The following SMPDL3A variants were observed in gnomAD, a reference collection of about 807,000 sequenced individuals.
SMPDL3A encodes cyclic GMP-AMP phosphodiesterase SMPDL3A.
In SMPDL3A, 39 loss-of-function variants were observed where a neutral mutation model predicts 38.5. That is an observed-to-expected ratio of 1.01 (90% confidence interval 0.78 to 1.32). SMPDL3A has a LOEUF of 1.32. Among genes scored for constraint, SMPDL3A ranks in the 40% most tolerant of loss-of-function variants. The probability of loss-of-function intolerance (pLI) is 0.00; values close to 1 mark genes in which losing one functional copy is unlikely to be tolerated. For synonymous variants in SMPDL3A, 180 were observed against 194.3 expected, an observed-to-expected ratio of 0.93 and a Z score of 0.61; for missense variants, 502 against 536.2, an observed-to-expected ratio of 0.94 and a Z score of 0.63.
At chr6:122,808,323 C>A (rs1451831704) in intron 7 of SMPDL3A, among the ~76,000 whole-genome samples, 1 of 152,130 alleles carries the variant, frequency 6.6e-6, no homozygotes, top group Non-Finnish European at 1.5e-5. Context: ...GAAATACTCA[C>A]ATCATGGACA....
intron 1 of SMPDL3A, among the ~76,000 whole-genome samples, chr6:122,795,293 C>T (rs566494823): frequency 7.2e-4 from 110 of 152,198 alleles, no homozygotes; most frequent in Non-Finnish European, 1.0e-3. Flanking sequence ...AGGCGTGTGC[C>T]ACCACACTTG....
intron 1 of SMPDL3A, 137 bp from the exon 2 acceptor site, chr6:122,795,539 GC>G (rs1781216697): frequency 1.5e-6 from 1 of 649,352 alleles, no homozygotes; most frequent in South Asian, 2.0e-5. Context: ...TAACTTCGAG[GC>G]TTATGAACAT....
At chr6:122,802,539 T>G (rs946733828) in intron 4 of SMPDL3A, among the ~76,000 whole-genome samples, 15 of 152,064 alleles carry the variant, frequency 9.9e-5, no homozygotes, top group Middle Eastern at 3.2e-3. Context: ...ACAAGACACG[T>G]GGAGAGCTTA....
chr6:122,803,835 T>G lies in SMPDL3A; in HGVS notation c.738+2T>G. ...AACTCTCAGCAGAATAAGGAGAAGGTAGATCCCATAGACCAAAACCATCTG... is the reference window on the plus strand; with the variant it reads ...AACTCTCAGCAGAATAAGGAGAAGGGAGATCCCATAGACCAAAACCATCTG... On this transcript the variant is annotated splice_donor_variant, in intron 5 of 7. Coordinates refer to ENST00000368440, the MANE Select transcript of SMPDL3A (RefSeq NM_006714.5). LOFTEE classifies it high-confidence loss of function. The G allele has an allele frequency of 1.2e-6, 2 of 1,612,664 alleles. No individual in the cohort carries two copies. The highest frequency in any genetic ancestry group is 1.7e-6 in the Non-Finnish European group (2 of 1,179,598).
chr6:122,797,700 G>T (rs2115165848), intron 3 of SMPDL3A, among the ~76,000 whole-genome samples: 1 of 152,252 alleles, frequency 6.6e-6, no homozygotes, highest in East Asian at 1.9e-4. Context: ...AATTCAGCCT[G>T]TTGCTTGTTT....
At chr6:122,799,642 C>T (rs988835075) in intron 3 of SMPDL3A, among the ~76,000 whole-genome samples, 3 of 152,242 alleles carry the variant, frequency 2.0e-5, no homozygotes, top group South Asian at 2.1e-4. Flanking sequence ...CTCAGACAGG[C>T]GACCCTGATC....
At chr6:122,800,533 C>A (rs1323445995) in intron 3 of SMPDL3A, among the ~76,000 whole-genome samples, 1 of 152,230 alleles carries the variant, frequency 6.6e-6, no homozygotes, top group East Asian at 1.9e-4. Context: ...CATATCCTAG[C>A]CATGCTAAAA....
At position 122,789,336 on chromosome 6, in the gene SMPDL3A, C is replaced by T. The variant is rs1215967799; in HGVS notation, c.-11C>T. 7 of 1,538,086 alleles carry T rather than the reference C, an allele frequency of 4.6e-6. No homozygotes were observed. Among genetic ancestry groups the T allele is most frequent in the South Asian group, 3.6e-5 (3 of 83,410 alleles). On this transcript the variant is annotated 5_prime_UTR_variant, in exon 1 of 8. Transcript: ENST00000368440. ...ACAGCCCGAACCTCCAGGTCAGCCC[C>T]GCGGCCCTCCATGGCGCTGGTGCGC... is the stretch of plus-strand genomic sequence containing the variant.
chr6:122,801,164 T>C lies in SMPDL3A; in HGVS notation c.472-146T>C. The C allele has an allele frequency of 7.9e-6, 5 of 632,386 alleles. No homozygotes were observed. The South Asian group carries it at 9.8e-5, about 12-fold the overall frequency. 39.2% of individuals were successfully genotyped at this position (632,386 alleles called of 1,614,324 possible). A position where few individuals can be genotyped will look rare whatever the true frequency, so the allele number is the denominator to read the frequency against. ...TTTATCCCCCAGTCTCCAACTAAGTTATAATTCCTTGAAGATGAAGTCTAT... is the reference window on the plus strand; with the variant it reads ...TTTATCCCCCAGTCTCCAACTAAGTCATAATTCCTTGAAGATGAAGTCTAT... On this transcript the variant is annotated intron_variant, in intron 3 of 7. Coordinates refer to ENST00000368440, the MANE Select transcript of SMPDL3A (RefSeq NM_006714.5).
At chr6:122,789,776 T>C (rs936801) in intron 1 of SMPDL3A, 119,701 of 939,584 alleles carry the variant, frequency 0.13, 14,616 homozygotes, top group African/African-American at 0.6. Context: ...AGTTGTTTTG[T>C]TCCTTGGGGA....
At chr6:122,803,380 T>G (rs1781487920) in intron 4 of SMPDL3A, among the ~76,000 whole-genome samples, 1 of 152,236 alleles carries the variant, frequency 6.6e-6, no homozygotes, top group African/African-American at 2.4e-5. Flanking sequence ...TCTCATTGCT[T>G]ACTGCCGAAA....
At position 122,809,334 on chromosome 6, in the gene SMPDL3A, T is replaced by C. The variant is rs749652895; in HGVS notation, c.1288T>C (p.Cys430Arg). 9 of 1,614,084 alleles carry C rather than the reference T, an allele frequency of 5.6e-6. No individual in the cohort carries two copies. Among genetic ancestry groups the C allele is most frequent in the Non-Finnish European group, 7.6e-6 (9 of 1,179,946 alleles). The change falls in exon 8 of 8, where the codon TGT (cysteine) becomes CGT (arginine). Residue 430 changes from cysteine (C) to arginine (R), a missense_variant. Transcript: ENST00000368440. ...TAAGACATGTAAGGCCTTTCAGATTTGTGCAATTATGAATCTTGATAATAT... is the reference window on the plus strand; with the variant it reads ...TAAGACATGTAAGGCCTTTCAGATTCGTGCAATTATGAATCTTGATAATAT... Reference protein sequence around the residue: ...CDKTCKAFQICAIMNLDNISY... With the variant: ...CDKTCKAFQIRAIMNLDNISY...
intron 1 of SMPDL3A, among the ~76,000 whole-genome samples, chr6:122,790,694 G>A (rs1435617519): frequency 1.3e-5 from 2 of 152,188 alleles, no homozygotes; most frequent in African/African-American, 2.4e-5. Context: ...TCCCCAAAAT[G>A]TTTATGTATA....
At chr6:122,804,837 T>A (rs1165479952) in intron 5 of SMPDL3A, 72 bp from the exon 6 acceptor site, 2 of 1,300,322 alleles carry the variant, frequency 1.5e-6, no homozygotes. Context: ...ATCTTGGGTA[T>A]CCAAATGTCA....
At chr6:122,802,059 G>A (rs1472867167) in intron 4 of SMPDL3A, among the ~76,000 whole-genome samples, 1 of 152,130 alleles carries the variant, frequency 6.6e-6, no homozygotes, top group Non-Finnish European at 1.5e-5. Flanking sequence ...CGGTATTTTT[G>A]TTAACCCTTT....
intron 1 of SMPDL3A, among the ~76,000 whole-genome samples, chr6:122,790,435 A>G (rs1781042336): frequency 6.6e-6 from 1 of 152,210 alleles, no homozygotes; most frequent in Non-Finnish European, 1.5e-5. Context: ...CACTGTTAAG[A>G]GGAAAAACAA....
At chr6:122,794,328 T>C (rs972545229) in intron 1 of SMPDL3A, among the ~76,000 whole-genome samples, 1 of 152,202 alleles carries the variant, frequency 6.6e-6, no homozygotes, top group Non-Finnish European at 1.5e-5. Context: ...CCGGGTGTGG[T>C]GGCTCACGCC....
rs143164581 is a variant in SMPDL3A, at chr6:122,794,807, G to T, written c.113-870G>T. Among the ~76,000 whole-genome samples the T allele has an allele frequency of 1.6e-3, 244 of 152,084 alleles. 1 individual carries two copies. Among genetic ancestry groups the T allele is most frequent in the African/African-American group, 5.7e-3 (238 of 41,480 alleles). ...GAAGCTTTGGGAATTCCTATTTTTG[G>T]CTTAAAGCTTGTATTAGAGATTTAT... is the stretch of plus-strand genomic sequence containing the variant. On this transcript the variant is annotated intron_variant, in intron 1 of 7. Transcript: ENST00000368440.
At chr6:122,790,594 C>G (rs1260116744) in intron 1 of SMPDL3A, among the ~76,000 whole-genome samples, 1 of 152,158 alleles carries the variant, frequency 6.6e-6, no homozygotes, top group African/African-American at 2.4e-5. Context: ...CTTTGAAGGC[C>G]AAGTCCTCAC....
Sources: gnomAD v4.1 joint callset for allele counts (sites outside exome capture counted in the v4.1 genomes callset) on GRCh38, gnomAD v4.1.1 for gene constraint, MANE v1.5 for transcripts, NCBI Gene and HGNC (gene_info 2026-07-23, HGNC 2026-07-21) for gene names.